Variants in KLRD1 observed in about 807,000 individuals in gnomAD.
KLRD1 encodes the protein natural killer cells antigen CD94.
KLRD1 carries 21 observed loss-of-function variants against 22.6 expected under a neutral mutation model. The observed-to-expected ratio is 0.93, with a 90% CI of 0.66 to 1.34. The LOEUF (loss-of-function observed/expected upper bound fraction) is 1.34. KLRD1 is among the 40% of genes most tolerant of loss of function. The pLI is 0.00. For missense variants in KLRD1, 183 were observed against 208.6 expected, an observed-to-expected ratio of 0.88 and a Z score of 0.76; for synonymous variants, 59 against 71.1, an observed-to-expected ratio of 0.83 and a Z score of 0.85.
rs148718182 is a variant in KLRD1 at position 10,296,782 on chromosome 12, C to T, written c.-100-11196C>T. 2.7e-4 allele frequency among the ~76,000 whole-genome samples: 41 copies of T among 152,320 alleles called. 1 individual carries two copies. Among genetic ancestry groups the T allele is most frequent in the South Asian group, 2.1e-3 (10 of 4,824 alleles). ...AGAAGGCCAAGGGAAACTTACCCCC[C>T]GGCCCCTGCAGTACTGGGATTGCCA... On this transcript the variant is annotated intron_variant, in intron 1 of 5. Coordinates refer to the KLRD1 transcript ENST00000544747.
intron 1 of KLRD1, among the ~76,000 whole-genome samples, chr12:10,249,168 G>A (rs3898121): frequency 1.3e-5 from 2 of 151,872 alleles, no homozygotes; most frequent in South Asian, 4.1e-4. Context: ...TCAGCCAACC[G>A]GTGGGGGAGA....
At chr12:10,307,488 G>T (rs543716501), upstream of KLRD1, among the ~76,000 whole-genome samples, 1 of 152,224 alleles carries the variant, frequency 6.6e-6, no homozygotes, top group South Asian at 2.1e-4. Flanking sequence ...CTCTTTGATA[G>T]ATTGAAGATA....
intron 1 of KLRD1, among the ~76,000 whole-genome samples, chr12:10,239,591 TTCTTTCTTTCTC>T (rs1949222797): frequency 2.1e-5 from 3 of 146,340 alleles, no homozygotes; most frequent in African/African-American, 7.8e-5. Flanking sequence ...TTCTTTTTCT[TTCTTTCTTTCTC>T]TCTCTTTCTT....
upstream of KLRD1, chr12:10,307,811 G>A (rs1834237617): frequency 5.1e-6 from 2 of 392,424 alleles, no homozygotes; most frequent in African/African-American, 4.1e-5. Context: ...AGTACTGTGA[G>A]AATTTCCTGT....
rs1400411106 is a variant in KLRD1, at chr12:10,323,366, CT to C, written c.*8574del. The C allele has an allele frequency of 6.6e-6, 1 of 152,120 alleles. No individual in the cohort carries two copies. The highest frequency in any genetic ancestry group is 1.5e-5 in the Non-Finnish European group (1 of 68,020). 9.4% of individuals were successfully genotyped at this position (152,120 alleles called of 1,614,324 possible). On this transcript the variant is annotated 3_prime_UTR_variant, in exon 6 of 6. Transcript: ENST00000336164. Reference sequence around the variant, plus strand: ...TTTTAGTCTAAGGACCTTCTGGATACTATGCATTTGCATACAATTGTACATT... The same window carrying C: ...TTTTAGTCTAAGGACCTTCTGGATACATGCATTTGCATACAATTGTACATT...
intron 1 of KLRD1, among the ~76,000 whole-genome samples, chr12:10,295,666 A>G (rs1453863311): frequency 6.6e-6 from 1 of 152,238 alleles, no homozygotes; most frequent in East Asian, 1.9e-4. Flanking sequence ...CATGAAGAGC[A>G]TAACATTCAA....
intron 1 of KLRD1, among the ~76,000 whole-genome samples, chr12:10,255,223 A>G (rs536670803): frequency 6.6e-6 from 1 of 152,190 alleles, no homozygotes. Context: ...TCTTATATCT[A>G]CTAGTAATTT....
intron 1 of KLRD1, among the ~76,000 whole-genome samples, chr12:10,291,902 C>G (rs1949774013): frequency 6.6e-6 from 1 of 152,118 alleles, no homozygotes; most frequent in South Asian, 2.1e-4. Context: ...GTTTGGTTTT[C>G]TGTTCCTGTA....
chr12:10,306,632 TA>T (rs1239767419), upstream of KLRD1, among the ~76,000 whole-genome samples: 6 of 152,216 alleles, frequency 3.9e-5, no homozygotes, highest in Non-Finnish European at 7.3e-5. Context: ...TTTCTAACAC[TA>T]AAAATGAATA....
At chr12:10,302,801 C>T (rs144668311), upstream of KLRD1, among the ~76,000 whole-genome samples, 227 of 151,500 alleles carry the variant, frequency 1.5e-3, no homozygotes, top group African/African-American at 5.2e-3. Context: ...TTAACTTCTA[C>T]AATATTGATG....
At chr12:10,271,721 A>T (rs1949551140) in intron 1 of KLRD1, among the ~76,000 whole-genome samples, 1 of 152,200 alleles carries the variant, frequency 6.6e-6, no homozygotes, top group Non-Finnish European at 1.5e-5. Context: ...ATGTATATAC[A>T]CATACTTATA....
At chr12:10,275,764 A>G (rs1481095377) in intron 1 of KLRD1, among the ~76,000 whole-genome samples, 1 of 152,232 alleles carries the variant, frequency 6.6e-6, no homozygotes, top group Non-Finnish European at 1.5e-5. Flanking sequence ...GATAATAAAA[A>G]TTACCAATTA....
At chr12:10,288,650 T>C (rs1592062044) in intron 1 of KLRD1, among the ~76,000 whole-genome samples, 1 of 152,260 alleles carries the variant, frequency 6.6e-6, no homozygotes, top group African/African-American at 2.4e-5. Context: ...GTAAAAGTTA[T>C]AAAATAATCA....
intron 1 of KLRD1, among the ~76,000 whole-genome samples, chr12:10,264,682 C>CTCTGTGTG (rs1555103014): frequency 6.7e-6 from 1 of 149,764 alleles, no homozygotes; most frequent in African/African-American, 2.5e-5. Flanking sequence ...TAGTTACCTT[C>CTCTGTGTG]TGTGTGTGTG....
chr12:10,282,955 A>G (rs553761061), intron 1 of KLRD1, among the ~76,000 whole-genome samples: 1 of 152,328 alleles, frequency 6.6e-6, no homozygotes, highest in African/African-American at 2.4e-5. Context: ...TGTCAGGGAA[A>G]CAAGAGTGTA....
chr12:10,299,991 C>T (rs189808742), upstream of KLRD1, among the ~76,000 whole-genome samples: 243 of 152,318 alleles, frequency 1.6e-3, no homozygotes, highest in South Asian at 8.1e-3. Context: ...ACTTCAGTCT[C>T]CATTTCTAAT....
intron 1 of KLRD1, among the ~76,000 whole-genome samples, chr12:10,285,054 G>T (rs1949688001): frequency 6.6e-6 from 1 of 152,148 alleles, no homozygotes; most frequent in African/African-American, 2.4e-5. Context: ...TTAGATGTAT[G>T]GTGAGAGAAC....
intron 1 of KLRD1, among the ~76,000 whole-genome samples, chr12:10,248,790 G>T (rs192484593): frequency 0.011 from 1,728 of 151,732 alleles, 8 homozygotes; most frequent in Non-Finnish European, 0.018. Context: ...TAGAGATGGG[G>T]TTTCACCATG....
At chr12:10,281,259 G>A (rs1949639494) in intron 1 of KLRD1, among the ~76,000 whole-genome samples, 1 of 152,162 alleles carries the variant, frequency 6.6e-6, no homozygotes, top group South Asian at 2.1e-4. Flanking sequence ...ATGAGAAGCT[G>A]GATGAGGAGA....
Sources: gnomAD v4.1 joint callset for allele counts (sites outside exome capture counted in the v4.1 genomes callset) on GRCh38, gnomAD v4.1.1 for gene constraint, MANE v1.5 for transcripts, NCBI Gene and HGNC (gene_info 2026-07-23, HGNC 2026-07-21) for gene names.